Variants in PDCD10 observed in about 807,000 individuals in gnomAD.
PDCD10 encodes programmed cell death 10.
PDCD10 carries 4 observed loss-of-function variants against 29.2 expected under a neutral mutation model. That is an observed-to-expected ratio of 0.14 (90% CI 0.07 to 0.31). The LOEUF (loss-of-function observed/expected upper bound fraction) is 0.31, where lower values mean the gene tolerates loss of function less well. Ranked by LOEUF, PDCD10 falls within the 10% of genes least tolerant of loss-of-function variation. The pLI is 1.00. For missense variants in PDCD10, 183 were observed against 257.9 expected, an observed-to-expected ratio of 0.71 and a Z score of 1.99; for synonymous variants, 70 against 82.2, an observed-to-expected ratio of 0.85 and a Z score of 0.80.
At chr3:167,685,697 C>A (rs1719547029) in intron 8 of PDCD10, among the ~76,000 whole-genome samples, 1 of 152,018 alleles carries the variant, frequency 6.6e-6, no homozygotes, top group African/African-American at 2.4e-5. Context: ...TGTGCTTATT[C>A]CATAATAGTA....
In PDCD10 at chr3:167,719,710, G is replaced by T. The variant is rs528416919; in HGVS notation, c.96+352C>A. 3.3e-5 allele frequency among the ~76,000 whole-genome samples: 5 copies of T among 152,112 alleles called. No individual in the cohort carries two copies. The East Asian group carries it at 9.7e-4, about 29-fold the overall frequency. The stretch of plus-strand genomic sequence containing the variant: ...ATCTCTTTCAGGTCTTAGGATATAT[G>T]TCTCTTCTTAAGTGAGGCCTGTCCT... On this transcript the variant is annotated intron_variant, in intron 3 of 8. Coordinates refer to ENST00000392750, the MANE Select transcript of PDCD10 (RefSeq NM_007217.4).
intron 6 of PDCD10, chr3:167,694,565 CT>C (rs1720599457): frequency 6.5e-6 from 1 of 154,268 alleles, no homozygotes; most frequent in Non-Finnish European, 1.4e-5. Flanking sequence ...GCAGGTTTAG[CT>C]GACAACCACA....
At chr3:167,717,607 A>G (rs1331877637) in intron 3 of PDCD10, among the ~76,000 whole-genome samples, 2 of 152,072 alleles carry the variant, frequency 1.3e-5, no homozygotes, top group Non-Finnish European at 2.9e-5. Flanking sequence ...TAACAAACTA[A>G]AACACCAAAT....
intron 3 of PDCD10, among the ~76,000 whole-genome samples, chr3:167,709,808 G>GT (rs55801333): frequency 6.6e-6 from 1 of 152,150 alleles, no homozygotes; most frequent in Non-Finnish European, 1.5e-5. Flanking sequence ...AGAGCTCACA[G>GT]AATAAGAGAC....
At chr3:167,704,534 GT>G (rs1327740559) in intron 4 of PDCD10, 1 of 241,006 alleles carries the variant, frequency 4.1e-6, no homozygotes, top group Non-Finnish European at 8.0e-6. Flanking sequence ...AGCCATATAA[GT>G]TTTCAAAAGG....
chr3:167,683,844 T>TATATATATATATATATATATATACACAC lies in PDCD10; in HGVS notation c.*436_*463dup, dbSNP rs1559941360. On this transcript the variant is annotated 3_prime_UTR_variant, in exon 9 of 9. Coordinates refer to ENST00000392750, the MANE Select transcript of PDCD10 (RefSeq NM_007217.4). The stretch of plus-strand genomic sequence containing the variant: ...AAGTTGTCTTGGTCTTCTGTTCATA[T>TATATATATATATATATATATATACACAC]ATATATATATATATATATATATACA... 2.1e-5 allele frequency: 3 copies of TATATATATATATATATATATATACACAC among 144,848 alleles called. No homozygotes were observed. The highest frequency in any genetic ancestry group is 4.6e-5 in the Non-Finnish European group (3 of 65,776). The allele number at this position is 144,848 out of a possible 1,614,324, so 9.0% of individuals were successfully genotyped here. A position where few individuals can be genotyped will look rare whatever the true frequency, so the allele number is the denominator to read the frequency against.
chr3:167,719,943 G>A (rs1458702148), intron 3 of PDCD10, 119 bp downstream of exon 3: 32 of 776,334 alleles, frequency 4.1e-5, no homozygotes, highest in Non-Finnish European at 2.9e-5. Flanking sequence ...AATGCCTAAC[G>A]CACCGATAAG....
chr3:167,715,561 GA>G (rs1036059314), intron 3 of PDCD10, among the ~76,000 whole-genome samples: 4 of 150,090 alleles, frequency 2.7e-5, no homozygotes, highest in East Asian at 3.9e-4. Flanking sequence ...AACTGTACAG[GA>G]AAAAAAAATC....
chr3:167,704,955 G>C, intron 3 of PDCD10, 60 bp from the exon 4 acceptor site: 5 of 1,000,818 alleles, frequency 5.0e-6, no homozygotes, highest in Non-Finnish European at 6.2e-6. Context: ...GCACATTTCT[G>C]AGATTCCATT....
chr3:167,718,335 A>G (rs1215149151), intron 3 of PDCD10, among the ~76,000 whole-genome samples: 2 of 152,106 alleles, frequency 1.3e-5, no homozygotes, highest in African/African-American at 4.8e-5. Context: ...AGTATTTACT[A>G]AACAGAACTG....
At position 167,697,111 on chromosome 3, in the gene PDCD10, G is replaced by T; in HGVS notation, c.166C>A (p.Pro56Thr). The T allele has an allele frequency of 1.3e-6, 2 of 1,596,396 alleles. No homozygotes were observed. The highest frequency in any genetic ancestry group is 1.1e-5 in the South Asian group (1 of 90,724). The change falls in exon 5 of 9, where the codon CCA becomes ACA. Residue 56 changes from proline to threonine, a missense_variant. By Grantham distance (38) the Pro-to-Thr change is conservative. Coordinates refer to ENST00000392750, the MANE Select transcript of PDCD10 (RefSeq NM_007217.4). ...AAFIKAEKEN[P>T]GLTQDIIMKI... ...ATAATGATGTCTTGTGTGAGACCTG[G>T]ATTTTCTTTTTCAGCCTATAATAAA...
chr3:167,696,394 A>G (rs1432795165), intron 5 of PDCD10, among the ~76,000 whole-genome samples: 1 of 152,160 alleles, frequency 6.6e-6, no homozygotes, highest in African/African-American at 2.4e-5. Flanking sequence ...GCTCAACTCT[A>G]AATAATGATA....
chr3:167,717,248 C>T (rs1000738270), intron 3 of PDCD10, among the ~76,000 whole-genome samples: 1 of 151,990 alleles, frequency 6.6e-6, no homozygotes, highest in Non-Finnish European at 1.5e-5. Flanking sequence ...AAAATTTCCT[C>T]AGGTGTAAAC....
Position 167,684,169 on chromosome 3 carries a change from T to C in PDCD10, c.*139A>G, listed in dbSNP as rs758404072. ...CATTTTACAAAAATATGGTGTAAGA[T>C]GGCAATAATCCCATTCAACATCCTG... On this transcript the variant is annotated 3_prime_UTR_variant, in exon 9 of 9. Coordinates refer to ENST00000392750, the MANE Select transcript of PDCD10 (RefSeq NM_007217.4). 35 of 637,872 alleles carry C rather than the reference T, an allele frequency of 5.5e-5. No individual in the cohort carries two copies. The highest frequency in any genetic ancestry group is 1.4e-4 in the East Asian group (5 of 34,984). 39.5% of individuals were successfully genotyped at this position (637,872 alleles called of 1,614,324 possible). A position where few individuals can be genotyped will look rare whatever the true frequency, so the allele number is the denominator to read the frequency against.
intron 4 of PDCD10, among the ~76,000 whole-genome samples, chr3:167,703,380 C>G (rs1721637494): frequency 6.6e-6 from 1 of 151,992 alleles, no homozygotes; most frequent in Non-Finnish European, 1.5e-5. Context: ...CCTTGAATCA[C>G]AGAATATTAA....
chr3:167,726,023 C>A (rs1327343969), intron 2 of PDCD10, among the ~76,000 whole-genome samples: 1 of 149,808 alleles, frequency 6.7e-6, no homozygotes, highest in Non-Finnish European at 1.5e-5. Flanking sequence ...GCTTGTGGAT[C>A]TTCAACTTGG....
At chr3:167,715,837 A>G (rs1372089686) in intron 3 of PDCD10, among the ~76,000 whole-genome samples, 1 of 152,056 alleles carries the variant, frequency 6.6e-6, no homozygotes, top group Non-Finnish European at 1.5e-5. Flanking sequence ...TACAACCACT[A>G]TGGAGAACAG....
chr3:167,710,059 C>T (rs2108453097), intron 3 of PDCD10, among the ~76,000 whole-genome samples: 1 of 152,222 alleles, frequency 6.6e-6, no homozygotes, highest in South Asian at 2.1e-4. Flanking sequence ...AAAGACCACT[C>T]GGGCCCTGAA....
At chr3:167,700,639 T>C (rs1420291462) in intron 4 of PDCD10, among the ~76,000 whole-genome samples, 1 of 152,198 alleles carries the variant, frequency 6.6e-6, no homozygotes, top group Non-Finnish European at 1.5e-5. Flanking sequence ...GGCATACCTA[T>C]AGACCCTAAT....
Sources: gnomAD v4.1 joint callset for allele counts (sites outside exome capture counted in the v4.1 genomes callset) on GRCh38, gnomAD v4.1.1 for gene constraint, MANE v1.5 for transcripts, NCBI Gene and HGNC (gene_info 2026-07-23, HGNC 2026-07-21) for gene names.